Variants in VAPA observed in about 807,000 individuals in gnomAD.
The protein encoded by VAPA is vesicle-associated membrane protein-associated protein A.
A neutral mutation model predicts 25.6 loss-of-function variants in VAPA; 6 were observed. The ratio of observed to expected loss-of-function variants is 0.23; its 90% CI spans 0.13 to 0.46. The LOEUF (loss-of-function observed/expected upper bound fraction) is 0.46. Among genes scored for constraint, VAPA ranks in the 20% least tolerant of loss-of-function variants. The probability of loss-of-function intolerance (pLI) is 0.99; values close to 1 mark genes in which losing one functional copy is unlikely to be tolerated. For missense variants in VAPA, 244 were observed against 302.1 expected, an observed-to-expected ratio of 0.81 and a Z score of 1.43; for synonymous variants, 112 against 106.2, an observed-to-expected ratio of 1.05 and a Z score of -0.34.
At chr18:9,950,673 G>C (rs1415358331) in intron 5 of VAPA, 105 bp downstream of exon 5, 8 of 1,267,284 alleles carry the variant, frequency 6.3e-6, no homozygotes, top group Non-Finnish European at 8.6e-6. Context: ...TGCTTGGTCA[G>C]TTCTTTCTTC....
Position 9,924,351 on chromosome 18 carries a change from G to A in VAPA, c.80-7459G>A, listed in dbSNP as rs367731597. Among the ~76,000 whole-genome samples, 7 of 152,114 alleles carry A rather than the reference G, an allele frequency of 4.6e-5. No individual in the cohort carries two copies. In the East Asian group the frequency reaches 7.7e-4, roughly 17 times the overall value. ...AGTAAGTAGCATGCACTAATTTCAC[G>A]TTCATTCTTGAACACTAACATTGTT... On this transcript the variant is annotated intron_variant, in intron 1 of 5. Transcript: ENST00000400000.
chr18:9,955,297 G>A lies in VAPA; in HGVS notation c.*1086G>A, dbSNP rs1457998370. The A allele has an allele frequency of 6.6e-6, 1 of 152,138 alleles. No individual in the cohort carries two copies. The highest frequency in any genetic ancestry group is 1.5e-5 in the Non-Finnish European group (1 of 68,016). The allele number at this position is 152,138 out of a possible 1,614,324, so 9.4% of individuals were successfully genotyped here. A position where few individuals can be genotyped will look rare whatever the true frequency, so the allele number is the denominator to read the frequency against. Reference sequence around the variant, plus strand: ...TGGCACTCAAAATAATGTTCATTATGGAAGTTTGGTAATACTGAGCAAGCC... The same window carrying A: ...TGGCACTCAAAATAATGTTCATTATAGAAGTTTGGTAATACTGAGCAAGCC... On this transcript the variant is annotated 3_prime_UTR_variant, in exon 6 of 6. Transcript: ENST00000400000.
At chr18:9,925,766 T>C (rs181698311) in intron 1 of VAPA, among the ~76,000 whole-genome samples, 42 of 150,108 alleles carry the variant, frequency 2.8e-4, no homozygotes, top group South Asian at 4.2e-4. Flanking sequence ...TTGATACTTA[T>C]TTCAGGAAGT....
rs1441873233 is a variant in VAPA at position 9,956,557 on chromosome 18, G to T, written c.*2346G>T. 1 of 152,550 alleles carries T rather than the reference G, an allele frequency of 6.6e-6. No homozygotes were observed. The highest frequency in any genetic ancestry group is 1.5e-5 in the Non-Finnish European group (1 of 68,016). 9.4% of individuals were successfully genotyped at this position (152,550 alleles called of 1,614,324 possible). On this transcript the variant is annotated 3_prime_UTR_variant, in exon 6 of 6. Coordinates refer to ENST00000400000, the MANE Select transcript of VAPA (RefSeq NM_194434.3). ...TAAAATGTATGTGGGCTTAACTGTT[G>T]TTCATATCAGGAGATGCTCTGATTG...
chr18:9,944,836 T>G, intron 4 of VAPA: 1 of 1,476,166 alleles, frequency 6.8e-7, no homozygotes, highest in Non-Finnish European at 9.2e-7. Flanking sequence ...TAGAGCCTAA[T>G]GCTTTCTGTG....
At chr18:9,944,921 C>T in intron 4 of VAPA, 1 of 1,613,558 alleles carries the variant, frequency 6.2e-7, no homozygotes, top group Non-Finnish European at 8.5e-7. Context: ...CATGCCATCT[C>T]AGGGTATAAC....
chr18:9,919,121 G>A (rs904888672), intron 1 of VAPA, among the ~76,000 whole-genome samples: 4 of 152,292 alleles, frequency 2.6e-5, no homozygotes, highest in Admixed American at 2.0e-4. Context: ...GACCTTGCGT[G>A]ATCCTCCTGC....
chr18:9,946,824 C>T (rs571307182), intron 4 of VAPA, among the ~76,000 whole-genome samples: 1 of 152,020 alleles, frequency 6.6e-6, no homozygotes, highest in Non-Finnish European at 1.5e-5. Flanking sequence ...CTTAGCTGTC[C>T]GTAACTTCAT....
chr18:9,931,401 G>A (rs1037931618), intron 1 of VAPA, among the ~76,000 whole-genome samples: 2 of 152,176 alleles, frequency 1.3e-5, no homozygotes, highest in African/African-American at 4.8e-5. Context: ...AGGGTGTAGG[G>A]TCTTCAGATG....
intron 4 of VAPA, among the ~76,000 whole-genome samples, chr18:9,941,107 T>C (rs148095467): frequency 9.0e-4 from 137 of 151,992 alleles, no homozygotes; most frequent in African/African-American, 3.2e-3. Context: ...TAAAGAAATA[T>C]ATTTAACCCA....
chr18:9,937,548 T>C (rs949217198), intron 4 of VAPA, among the ~76,000 whole-genome samples: 3 of 152,204 alleles, frequency 2.0e-5, no homozygotes, highest in Non-Finnish European at 4.4e-5. Flanking sequence ...AAATAATTAT[T>C]ATGTTGCTTA....
At chr18:9,937,269 A>C (rs1202283636) in intron 4 of VAPA, among the ~76,000 whole-genome samples, 11 of 150,144 alleles carry the variant, frequency 7.3e-5, no homozygotes, top group Admixed American at 7.3e-4. Context: ...AGAAGAAAGA[A>C]AGACTCACTT....
chr18:9,931,751 C>T, intron 1 of VAPA, 59 bp from the exon 2 acceptor site: 6 of 1,441,100 alleles, frequency 4.2e-6, no homozygotes, highest in African/African-American at 1.4e-5. Context: ...AGTTTTGAAT[C>T]CTTCGTTGTT....
At chr18:9,918,623 T>C (rs1464453780) in intron 1 of VAPA, among the ~76,000 whole-genome samples, 1 of 152,234 alleles carries the variant, frequency 6.6e-6, no homozygotes, top group African/African-American at 2.4e-5. Flanking sequence ...CCTCAAATGC[T>C]CATGTTTCTG....
At chr18:9,948,773 C>T (rs1268642398) in intron 4 of VAPA, 2 of 152,728 alleles carry the variant, frequency 1.3e-5, no homozygotes, top group African/African-American at 2.4e-5. Flanking sequence ...CTCTGTTGCT[C>T]AGGCTGTTCT....
intron 4 of VAPA, among the ~76,000 whole-genome samples, chr18:9,942,058 C>T (rs1401143417): frequency 2.0e-5 from 3 of 152,150 alleles, no homozygotes; most frequent in Admixed American, 1.3e-4. Context: ...CTTTTAACTG[C>T]GTTGCTGGTA....
chr18:9,916,266 A>C (rs2143269560), intron 1 of VAPA, among the ~76,000 whole-genome samples: 1 of 152,330 alleles, frequency 6.6e-6, no homozygotes, highest in East Asian at 1.9e-4. Flanking sequence ...GTGTTGGAGA[A>C]TTACAGCTAT....
In VAPA at chr18:9,931,826, A is replaced by T. The variant is rs772638215; in HGVS notation, c.96A>T (p.Val32=). The T allele has an allele frequency of 3.1e-6, 5 of 1,613,364 alleles. No individual in the cohort carries two copies. The South Asian group carries it at 4.4e-5, about 14-fold the overall frequency. ...DLKFKGPFTD[V]VTTNLKLRNP... is the part of the protein sequence containing the mutation. ...ACTTTACAGGCCCCTTCACAGATGT[A>T]GTCACTACAAATCTTAAATTGCGAA... The change falls in exon 2 of 6, where the codon GTA becomes GTT. Residue 32 remains valine (V), a synonymous_variant. Transcript: ENST00000400000.
intron 2 of VAPA, among the ~76,000 whole-genome samples, chr18:9,933,765 T>A (rs2069280227): frequency 6.6e-6 from 1 of 152,200 alleles, no homozygotes; most frequent in Non-Finnish European, 1.5e-5. Flanking sequence ...CTCGAACTCC[T>A]GACCTCAAGT....
Sources: allele counts gnomAD v4.1 joint callset (sites outside exome capture counted in the v4.1 genomes callset), GRCh38; gene constraint gnomAD v4.1.1; transcripts MANE v1.5; gene names NCBI Gene and HGNC (gene_info 2026-07-23, HGNC 2026-07-21).